Variants in PEX5L observed in about 807,000 individuals in gnomAD.
The protein encoded by PEX5L is peroxisomal biogenesis factor 5 like, also known as PEX5-related protein.
A neutral mutation model predicts 84.0 loss-of-function variants in PEX5L; 30 were observed. The ratio of observed to expected loss-of-function variants is 0.36; its 90% confidence interval spans 0.27 to 0.48. PEX5L has a LOEUF of 0.48. Among genes scored for constraint, PEX5L ranks in the 20% least tolerant of loss-of-function variants. The pLI is 0.99. For missense variants in PEX5L, 533 were observed against 754.6 expected, an observed-to-expected ratio of 0.71 and a Z score of 3.44; for synonymous variants, 270 against 283.1, an observed-to-expected ratio of 0.95 and a Z score of 0.46.
At chr3:180,009,532 T>G (rs141940853) in intron 1 of PEX5L, among the ~76,000 whole-genome samples, 1 of 152,190 alleles carries the variant, frequency 6.6e-6, no homozygotes, top group East Asian at 1.9e-4. Flanking sequence ...AAGCAGAAGT[T>G]TGTAGGAACT....
At chr3:180,030,359 T>C (rs1013968265) in intron 1 of PEX5L, among the ~76,000 whole-genome samples, 1 of 152,196 alleles carries the variant, frequency 6.6e-6, no homozygotes, top group Non-Finnish European at 1.5e-5. Context: ...CTTGCCAAAC[T>C]GGGTGCTAGA....
intron 2 of PEX5L, among the ~76,000 whole-genome samples, chr3:179,941,852 C>A (rs1360273459): frequency 1.3e-5 from 2 of 151,860 alleles, no homozygotes; most frequent in Non-Finnish European, 2.9e-5. Context: ...GAAAACCCGT[C>A]TCTACTAAAA....
chr3:179,822,579 G>A (rs893922687), intron 8 of PEX5L, among the ~76,000 whole-genome samples: 8 of 152,302 alleles, frequency 5.3e-5, no homozygotes, highest in East Asian at 1.9e-4. Context: ...CTTCATTCAC[G>A]TAGCTACAAT....
intron 2 of PEX5L, among the ~76,000 whole-genome samples, chr3:179,954,865 C>T (rs576539485): frequency 6.6e-6 from 1 of 151,914 alleles, no homozygotes; most frequent in Non-Finnish European, 1.5e-5. Context: ...AGTAGGTGCT[C>T]AACAACGTGA....
intron 3 of PEX5L, 60 bp from the exon 4 acceptor site, chr3:179,887,844 T>A: frequency 9.2e-7 from 1 of 1,091,754 alleles, no homozygotes; most frequent in Non-Finnish European, 1.4e-6. Flanking sequence ...TCAGATGAAT[T>A]AAAATGCAGC....
At chr3:179,989,878 T>G (rs565934041) in intron 1 of PEX5L, among the ~76,000 whole-genome samples, 248 of 152,348 alleles carry the variant, frequency 1.6e-3, no homozygotes, top group African/African-American at 5.2e-3. Flanking sequence ...GCCCTGAAGT[T>G]AAGAATATGT....
At chr3:179,949,412 G>A (rs1560868042) in intron 2 of PEX5L, among the ~76,000 whole-genome samples, 1 of 152,230 alleles carries the variant, frequency 6.6e-6, no homozygotes, top group East Asian at 1.9e-4. Flanking sequence ...TATAAACTCT[G>A]TCAGCATGAC....
chr3:179,907,915 C>T (rs774115144), intron 2 of PEX5L, among the ~76,000 whole-genome samples: 12 of 152,044 alleles, frequency 7.9e-5, no homozygotes, highest in Non-Finnish European at 1.3e-4. Flanking sequence ...CAGCTGGTTC[C>T]CCAGTCACCA....
At chr3:179,996,826 C>G (rs1020820461) in intron 1 of PEX5L, among the ~76,000 whole-genome samples, 2 of 152,186 alleles carry the variant, frequency 1.3e-5, no homozygotes, top group South Asian at 2.1e-4. Context: ...CTGTAATGGA[C>G]AGCAGAGGCA....
intron 3 of PEX5L, 132 bp from the exon 4 acceptor site, chr3:179,887,916 G>T: frequency 1.4e-6 from 1 of 691,468 alleles, no homozygotes; most frequent in Non-Finnish European, 2.5e-6. Context: ...ATAAATAATG[G>T]GGTGGGGGCA....
rs1387166556 is a variant in PEX5L at position 179,798,609 on chromosome 3, G to A, written c.*3219C>T. On this transcript the variant is annotated 3_prime_UTR_variant, in exon 15 of 15. Transcript: ENST00000467460. ...ATGTAACTGAAGTCACCCGTATGTA[G>A]CCATTCTAGTAAGAATACCCTCTTC... is the stretch of plus-strand genomic sequence containing the variant. 1 of 152,128 alleles carries A rather than the reference G, an allele frequency of 6.6e-6. No individual in the cohort carries two copies. The highest frequency in any genetic ancestry group is 1.5e-5 in the Non-Finnish European group (1 of 68,032). The allele number at this position is 152,128 out of a possible 1,614,324, so 9.4% of individuals were successfully genotyped here. A position where few individuals can be genotyped will look rare whatever the true frequency, so the allele number is the denominator to read the frequency against.
intron 2 of PEX5L, among the ~76,000 whole-genome samples, chr3:179,904,024 A>G (rs542776884): frequency 1.3e-5 from 2 of 152,354 alleles, no homozygotes; most frequent in East Asian, 3.9e-4. Context: ...ATCCATGATG[A>G]ATTTACCATT....
At chr3:180,007,648 A>G (rs974161497) in intron 1 of PEX5L, among the ~76,000 whole-genome samples, 1 of 152,166 alleles carries the variant, frequency 6.6e-6, no homozygotes, top group African/African-American at 2.4e-5. Flanking sequence ...ATTTCCATAC[A>G]TCTTTTCAAA....
chr3:179,881,611 C>A (rs767831515), intron 4 of PEX5L: 6 of 152,156 alleles, frequency 3.9e-5, no homozygotes, highest in Non-Finnish European at 8.8e-5. Flanking sequence ...TCTTTTACAG[C>A]CAATTTGTGA....
intron 6 of PEX5L, among the ~76,000 whole-genome samples, chr3:179,874,752 T>TTG (rs1553873429): frequency 8.9e-6 from 1 of 111,956 alleles, no homozygotes; most frequent in African/African-American, 3.1e-5. Flanking sequence ...TTTTTTTTTT[T>TTG]TTTTTTTTTT....
chr3:179,828,453 G>C (rs1731359760), intron 8 of PEX5L, among the ~76,000 whole-genome samples: 1 of 152,122 alleles, frequency 6.6e-6, no homozygotes, highest in African/African-American at 2.4e-5. Flanking sequence ...TTCAGATGCT[G>C]CATGTAGTCT....
intron 1 of PEX5L, among the ~76,000 whole-genome samples, chr3:180,006,383 A>G (rs1442525731): frequency 6.6e-6 from 1 of 151,070 alleles, no homozygotes; most frequent in African/African-American, 2.4e-5. Context: ...TTTCATTTTT[A>G]CAAAAAATAT....
At chr3:179,911,815 T>C (rs1286591503) in intron 2 of PEX5L, among the ~76,000 whole-genome samples, 2 of 152,072 alleles carry the variant, frequency 1.3e-5, no homozygotes, top group Admixed American at 1.3e-4. Context: ...GATTGACAAA[T>C]ATAGAACCAT....
chr3:180,002,488 T>C (rs943622762), intron 1 of PEX5L, among the ~76,000 whole-genome samples: 3 of 152,132 alleles, frequency 2.0e-5, no homozygotes, highest in Non-Finnish European at 4.4e-5. Flanking sequence ...TCTTGTTATA[T>C]GTATTGATCA....
Sources: allele counts gnomAD v4.1 joint callset (sites outside exome capture counted in the v4.1 genomes callset), GRCh38; gene constraint gnomAD v4.1.1; transcripts MANE v1.5; gene names NCBI Gene and HGNC (gene_info 2026-07-23, HGNC 2026-07-21).